Variants in NUFIP1 observed in about 807,000 individuals in gnomAD.
NUFIP1 encodes the protein FMR1-interacting protein NUFIP1.
Under a neutral mutation model 56.2 loss-of-function variants are expected in NUFIP1, and 38 were observed. The ratio of observed to expected loss-of-function variants is 0.68; its 90% confidence interval spans 0.52 to 0.89. The LOEUF (loss-of-function observed/expected upper bound fraction) is 0.89, where lower values mean the gene tolerates loss of function less well. Ranked by LOEUF, NUFIP1 falls within the 40% of genes least tolerant of loss-of-function variation. NUFIP1 has a pLI of 0.00. For missense variants in NUFIP1, 567 were observed against 605.8 expected, an observed-to-expected ratio of 0.94 and a Z score of 0.67; for synonymous variants, 215 against 212.4, an observed-to-expected ratio of 1.01 and a Z score of -0.10.
In NUFIP1 at chr13:44,940,457, A is replaced by G. The variant is rs1259408793; in HGVS notation, c.*749T>C. ...TACAAATTTAGTCCCTTTTAGCTGTATGTCAAAAGGACAGACCAATAGCTA... is the reference window on the plus strand; with the variant it reads ...TACAAATTTAGTCCCTTTTAGCTGTGTGTCAAAAGGACAGACCAATAGCTA... On this transcript the variant is annotated 3_prime_UTR_variant, in exon 10 of 10. Transcript: ENST00000379161. 1 of 152,276 alleles carries G rather than the reference A, an allele frequency of 6.6e-6. No individual in the cohort carries two copies. The highest frequency in any genetic ancestry group is 1.5e-5 in the Non-Finnish European group (1 of 68,050). The allele number at this position is 152,276 out of a possible 1,614,324, so 9.4% of individuals were successfully genotyped here. A position where few individuals can be genotyped will look rare whatever the true frequency, so the allele number is the denominator to read the frequency against.
rs764925999 is a variant in NUFIP1, at chr13:44,989,229, C to T, written c.208G>A (p.Glu70Lys). The T allele has an allele frequency of 1.1e-5, 18 of 1,612,382 alleles. No homozygotes were observed. The East Asian group carries it at 4.0e-4, about 36-fold the overall frequency. The change falls in exon 1 of 10, where the codon GAG becomes AAG. Residue 70 changes from glutamate (E) to lysine (K), a missense_variant. Glu to Lys is a moderately conservative substitution (Grantham distance 56, BLOSUM62 1). Transcript: ENST00000379161. ...GGAGCCCCGGGGAGAGACTGGGCCT[C>T]CATGGGGGGCTGCGACTCAGAGGAA... Reference protein sequence around the residue: ...KPSSESQPPMEAQSLPGAPPP... With the variant: ...KPSSESQPPMKAQSLPGAPPP...
chr13:44,975,292 A>G (rs1049017540), intron 5 of NUFIP1, among the ~76,000 whole-genome samples: 2 of 152,050 alleles, frequency 1.3e-5, no homozygotes, highest in African/African-American at 2.4e-5. Flanking sequence ...CCAAGTCCCA[A>G]TGCCTACTCA....
rs1872154457 is a variant in NUFIP1, at chr13:44,980,634, A to G, written c.594+88T>C. ...TCTCTACAGAAACTATAAACTTTAA[A>G]GGAAAACAAGCTTGGCATTTCTACC... is the stretch of plus-strand genomic sequence containing the variant. On this transcript the variant is annotated intron_variant, in intron 3 of 9. Coordinates refer to ENST00000379161, the MANE Select transcript of NUFIP1 (RefSeq NM_012345.3). The G allele has an allele frequency of 3.3e-6, 3 of 913,358 alleles. No homozygotes were observed. In the South Asian group the frequency reaches 4.5e-5, roughly 14 times the overall value. The allele number at this position is 913,358 out of a possible 1,614,324, so 56.6% of individuals were successfully genotyped here.
In NUFIP1 at chr13:44,940,514, A is replaced by G. The variant is rs1870697185; in HGVS notation, c.*692T>C. On this transcript the variant is annotated 3_prime_UTR_variant, in exon 10 of 10. Coordinates refer to ENST00000379161, the MANE Select transcript of NUFIP1 (RefSeq NM_012345.3). ...GTACAATGACTAGAACACAAGCTCA[A>G]ATTCCCTGGTATTATAGGAGACAAA... 6.6e-6 allele frequency: 1 copy of G among 152,242 alleles called. No homozygotes were observed. The highest frequency in any genetic ancestry group is 1.5e-5 in the Non-Finnish European group (1 of 68,044). 9.4% of individuals were successfully genotyped at this position (152,242 alleles called of 1,614,324 possible). A position where few individuals can be genotyped will look rare whatever the true frequency, so the allele number is the denominator to read the frequency against.
Position 44,941,278 on chromosome 13 carries a change from C to T in NUFIP1, c.1416G>A (p.Gln472=), listed in dbSNP as rs758830821. ...CTTTTTTGATGATGTACCGAACACACTGCAAAATCACATTTCTTTCATGTC... is the reference window on the plus strand; with the variant it reads ...CTTTTTTGATGATGTACCGAACACATTGCAAAATCACATTTCTTTCATGTC... ...DIRHERNVIL[Q]CVRYIIKKDF... The change falls in exon 10 of 10, where the codon CAG becomes CAA. Residue 472 remains glutamine, a synonymous_variant. Coordinates refer to ENST00000379161, the MANE Select transcript of NUFIP1 (RefSeq NM_012345.3). 28 of 1,610,978 alleles carry T rather than the reference C, an allele frequency of 1.7e-5. No homozygotes were observed. Among genetic ancestry groups the T allele is most frequent in the Non-Finnish European group, 2.3e-5 (27 of 1,179,280 alleles).
chr13:44,988,356 G>C (rs1001636531), intron 1 of NUFIP1, among the ~76,000 whole-genome samples: 1 of 152,130 alleles, frequency 6.6e-6, no homozygotes, highest in Non-Finnish European at 1.5e-5. Context: ...GGAGGCAGAG[G>C]TTGCAGTGAG....
intron 5 of NUFIP1, among the ~76,000 whole-genome samples, chr13:44,971,707 C>G (rs781680702): frequency 1.2e-4 from 19 of 152,312 alleles, no homozygotes; most frequent in Middle Eastern, 3.4e-3. Context: ...AAAAACAAAG[C>G]TACTGTTTTC....
intron 5 of NUFIP1, among the ~76,000 whole-genome samples, chr13:44,969,559 T>A (rs1260072240): frequency 6.6e-6 from 1 of 152,226 alleles, no homozygotes; most frequent in Non-Finnish European, 1.5e-5. Context: ...TTTTATCTAC[T>A]AAAATCATTT....
intron 5 of NUFIP1, among the ~76,000 whole-genome samples, chr13:44,968,569 G>T (rs527830358): frequency 6.6e-6 from 1 of 152,342 alleles, no homozygotes; most frequent in South Asian, 2.1e-4. Context: ...GGATGGTCCA[G>T]TTGTTCTCAA....
chr13:44,964,767 T>TC (rs1382901258), intron 6 of NUFIP1, among the ~76,000 whole-genome samples: 1 of 152,042 alleles, frequency 6.6e-6, no homozygotes, highest in African/African-American at 2.4e-5. Flanking sequence ...TCATCTTCAC[T>TC]CCGAGTCATA....
At chr13:44,957,306 G>A (rs534978831) in intron 7 of NUFIP1, among the ~76,000 whole-genome samples, 49 of 152,290 alleles carry the variant, frequency 3.2e-4, no homozygotes, top group African/African-American at 1.1e-3. Flanking sequence ...CCACCTCGGG[G>A]GTTCAAGCAA....
chr13:44,956,059 T>C (rs7323592), intron 7 of NUFIP1, among the ~76,000 whole-genome samples: 15,942 of 146,754 alleles, frequency 0.11, 1,632 homozygotes, highest in African/African-American at 0.27. Flanking sequence ...AGGAGAATGG[T>C]GTGAACCCCA....
intron 7 of NUFIP1, among the ~76,000 whole-genome samples, chr13:44,958,334 A>G: frequency 6.6e-6 from 1 of 152,200 alleles, no homozygotes; most frequent in Admixed American, 6.5e-5. Flanking sequence ...TAAAATGGTA[A>G]CAGTAACGGT....
chr13:44,984,404 G>A (rs987137244), intron 1 of NUFIP1, among the ~76,000 whole-genome samples: 1 of 152,150 alleles, frequency 6.6e-6, no homozygotes, highest in Non-Finnish European at 1.5e-5. Context: ...GCTTTGGGAG[G>A]CCAAGGCAAG....
At chr13:44,982,972 C>A (rs1227138839) in intron 1 of NUFIP1, among the ~76,000 whole-genome samples, 1 of 152,188 alleles carries the variant, frequency 6.6e-6, no homozygotes, top group Non-Finnish European at 1.5e-5. Flanking sequence ...CATGCCACTA[C>A]ACTCCAGTCT....
chr13:44,965,651 G>A (rs569599084), intron 6 of NUFIP1, among the ~76,000 whole-genome samples, 193 bp downstream of exon 6: 2 of 152,004 alleles, frequency 1.3e-5, no homozygotes, highest in Admixed American at 6.6e-5. Flanking sequence ...CCGAGATGGC[G>A]CCACTGCACT....
intron 6 of NUFIP1, 21 bp from the exon 7 acceptor site, chr13:44,959,595 T>C: frequency 6.3e-7 from 1 of 1,586,218 alleles, no homozygotes; most frequent in Non-Finnish European, 8.5e-7. Context: ...AAAATTGCAA[T>C]TTTTAATATA....
rs572392854 is a variant in NUFIP1, at chr13:44,969,948, T to C, written c.735-4012A>G. 3.9e-5 allele frequency among the ~76,000 whole-genome samples: 6 copies of C among 152,374 alleles called. No individual in the cohort carries two copies. In the South Asian group the frequency reaches 1.2e-3, roughly 32 times the overall value. On this transcript the variant is annotated intron_variant, in intron 5 of 9. Transcript: ENST00000379161. ...CTTTTCTTTCTGAACATCAAAAAGA[T>C]ACAGCATTCTTTAGAGCAGATCTCC...
intron 4 of NUFIP1, 39 bp from the exon 5 acceptor site, chr13:44,979,305 T>C (rs1872100177): frequency 6.5e-7 from 1 of 1,538,490 alleles, no homozygotes; most frequent in Non-Finnish European, 8.9e-7. Flanking sequence ...GGAGGCAATA[T>C]CATATGCTTT....
Sources: allele counts gnomAD v4.1 joint callset (sites outside exome capture counted in the v4.1 genomes callset), GRCh38; gene constraint gnomAD v4.1.1; transcripts MANE v1.5; gene names NCBI Gene and HGNC (gene_info 2026-07-23, HGNC 2026-07-21).